Variants in FHIT observed in about 807,000 individuals in gnomAD.
FHIT encodes the protein bis(5'-adenosyl)-triphosphatase.
In FHIT, 19 loss-of-function variants were observed where a neutral mutation model predicts 17.9. The observed-to-expected ratio is 1.06, with a 90% CI of 0.74 to 1.56. FHIT has a LOEUF of 1.56. Among genes scored for constraint, FHIT ranks in the 40% most tolerant of loss-of-function variants. The probability of loss-of-function intolerance (pLI) is 0.00; values close to 1 mark genes in which losing one functional copy is unlikely to be tolerated. For missense variants in FHIT, 248 were observed against 189.2 expected, an observed-to-expected ratio of 1.31 and a Z score of -1.82; for synonymous variants, 81 against 69.7, an observed-to-expected ratio of 1.16 and a Z score of -0.81.
At chr3:60,536,029 T>C (rs2035968941) in intron 5 of FHIT, 1 of 152,184 alleles carries the variant, frequency 6.6e-6, no homozygotes, top group Non-Finnish European at 1.5e-5. Context: ...TCAAATTTTA[T>C]TCTGTTGCCT....
At chr3:60,662,610 G>A (rs782413475) in intron 4 of FHIT, among the ~76,000 whole-genome samples, 13 of 151,892 alleles carry the variant, frequency 8.6e-5, no homozygotes, top group Non-Finnish European at 1.9e-4. Context: ...AAATTGACTT[G>A]AATTTGAAAG....
chr3:60,604,961 C>T (rs1159251376), intron 4 of FHIT, among the ~76,000 whole-genome samples: 2 of 152,132 alleles, frequency 1.3e-5, no homozygotes, highest in East Asian at 3.8e-4. Context: ...AACACAAGAG[C>T]TTTCTGACTT....
chr3:59,828,840 ACTCT>A (rs71930247), intron 8 of FHIT, among the ~76,000 whole-genome samples: 4,841 of 12,508 alleles, frequency 0.39, 243 homozygotes, highest in African/African-American at 0.44. Context: ...AACCAATGGT[ACTCT>A]CTCTGTGTGT....
intron 5 of FHIT, among the ~76,000 whole-genome samples, chr3:60,392,976 G>T (rs1439709608): frequency 6.6e-6 from 1 of 152,140 alleles, no homozygotes; most frequent in Non-Finnish European, 1.5e-5. Context: ...AGCTTCATCA[G>T]AAAGCACCTC....
intron 2 of FHIT, among the ~76,000 whole-genome samples, chr3:61,091,934 T>C (rs1272915377): frequency 2.9e-5 from 3 of 104,516 alleles, no homozygotes; most frequent in South Asian, 3.2e-4. Flanking sequence ...AGAGACCTTG[T>C]CTAAAAAAAA....
At chr3:60,947,017 T>C (rs1708671418) in intron 3 of FHIT, among the ~76,000 whole-genome samples, 1 of 152,136 alleles carries the variant, frequency 6.6e-6, no homozygotes, top group South Asian at 2.1e-4. Flanking sequence ...GCTAACAAAT[T>C]GGATGGGGCA....
chr3:60,238,611 C>A (rs946170384), intron 5 of FHIT, among the ~76,000 whole-genome samples: 4 of 152,100 alleles, frequency 2.6e-5, no homozygotes, highest in African/African-American at 9.7e-5. Flanking sequence ...TTAAAGATTA[C>A]TGAATATGTT....
intron 8 of FHIT, among the ~76,000 whole-genome samples, chr3:59,888,830 AT>A (rs1217000832): frequency 1.3e-5 from 2 of 152,172 alleles, no homozygotes; most frequent in African/African-American, 4.8e-5. Flanking sequence ...ACAGAAATTT[AT>A]TTGGCTCATG....
chr3:60,368,678 G>T (rs1015791389), intron 5 of FHIT, among the ~76,000 whole-genome samples: 2 of 151,940 alleles, frequency 1.3e-5, no homozygotes, highest in African/African-American at 2.4e-5. Flanking sequence ...TTTTAATGAA[G>T]TTCAATTTAT....
At chr3:60,702,589 T>G (rs2041274473) in intron 4 of FHIT, among the ~76,000 whole-genome samples, 1 of 152,138 alleles carries the variant, frequency 6.6e-6, no homozygotes, top group Admixed American at 6.6e-5. Flanking sequence ...TTTTATATAT[T>G]TATTTTGTGA....
chr3:60,779,712 A>G (rs1313815602), intron 4 of FHIT, among the ~76,000 whole-genome samples: 1 of 152,052 alleles, frequency 6.6e-6, no homozygotes, highest in Non-Finnish European at 1.5e-5. Flanking sequence ...ACTGAATTCC[A>G]AGCTTCACAT....
At chr3:60,879,955 A>T (rs114567962) in intron 3 of FHIT, among the ~76,000 whole-genome samples, 8 of 132,812 alleles carry the variant, frequency 6.0e-5, no homozygotes, top group South Asian at 2.2e-4. Context: ...AAGATGTATT[A>T]AAAAAAAAAC....
At chr3:60,422,802 T>C (rs1378739025) in intron 5 of FHIT, among the ~76,000 whole-genome samples, 1 of 152,106 alleles carries the variant, frequency 6.6e-6, no homozygotes, top group Non-Finnish European at 1.5e-5. Context: ...TAAAACTTTC[T>C]CATGGCTTTC....
At chr3:61,029,576 G>A (rs1039497003) in intron 3 of FHIT, among the ~76,000 whole-genome samples, 8 of 152,112 alleles carry the variant, frequency 5.3e-5, no homozygotes, top group Non-Finnish European at 1.0e-4. Flanking sequence ...AAGTCAGGCA[G>A]GCATATTAGG....
intron 4 of FHIT, among the ~76,000 whole-genome samples, chr3:60,760,030 CTT>C (rs1559700507): frequency 6.6e-6 from 1 of 151,164 alleles, no homozygotes; most frequent in African/African-American, 2.4e-5. Context: ...CTCTTACTCT[CTT>C]TATTTCTTTT....
chr3:60,287,960 G>T (rs1459420492), intron 5 of FHIT, among the ~76,000 whole-genome samples: 1 of 142,602 alleles, frequency 7.0e-6, no homozygotes, highest in Non-Finnish European at 1.5e-5. Context: ...TAAATATTTA[G>T]TATCTTATAC....
At chr3:60,655,375 T>C (rs542361550) in intron 4 of FHIT, among the ~76,000 whole-genome samples, 36 of 152,318 alleles carry the variant, frequency 2.4e-4, no homozygotes, top group African/African-American at 8.2e-4. Flanking sequence ...ACAAGCTCTT[T>C]TACTAAAAAC....
chr3:59,871,223 G>T (rs1444087794), intron 8 of FHIT, among the ~76,000 whole-genome samples: 1 of 152,092 alleles, frequency 6.6e-6, no homozygotes, highest in African/African-American at 2.4e-5. Context: ...CTCTGCTGAG[G>T]AAGTCACCTC....
chr3:60,081,968 T>C (rs1438281221), intron 5 of FHIT, among the ~76,000 whole-genome samples: 2 of 152,184 alleles, frequency 1.3e-5, no homozygotes, highest in South Asian at 2.1e-4. Flanking sequence ...TTATCTGTTT[T>C]TGTAATTTCA....
Sources: allele counts gnomAD v4.1 joint callset (sites outside exome capture counted in the v4.1 genomes callset), GRCh38; gene constraint gnomAD v4.1.1; transcripts MANE v1.5; gene names NCBI Gene and HGNC (gene_info 2026-07-23, HGNC 2026-07-21).